The following PTPN13 variants were observed in gnomAD, a reference collection of about 807,000 sequenced individuals.
PTPN13 encodes tyrosine-protein phosphatase non-receptor type 13.
A neutral mutation model predicts 284.0 loss-of-function variants in PTPN13; 191 were observed. The ratio of observed to expected loss-of-function variants is 0.67; its 90% CI spans 0.60 to 0.76. The LOEUF (loss-of-function observed/expected upper bound fraction) is 0.76. Ranked by LOEUF, PTPN13 falls within the 30% of genes least tolerant of loss-of-function variation. The probability of loss-of-function intolerance (pLI) is 0.00; values close to 1 mark genes in which losing one functional copy is unlikely to be tolerated. For synonymous variants in PTPN13, 986 were observed against 1,022.3 expected (o/e 0.96, Z 0.68); for missense variants, 2,797 against 2,939.9 (o/e 0.95, Z 1.12).
chr4:86,691,951 C>T (rs767552066), intron 5 of PTPN13, among the ~76,000 whole-genome samples: 4 of 152,088 alleles, frequency 2.6e-5, no homozygotes, highest in Non-Finnish European at 5.9e-5. Context: ...AATATTTGGA[C>T]CACAATTTTA....
rs769706851 is a variant in PTPN13, at chr4:86,750,814, T to C, written c.2995T>C (p.Leu999=). The C allele has an allele frequency of 6.2e-6, 10 of 1,613,578 alleles. No homozygotes were observed. The highest frequency in any genetic ancestry group is 5.5e-5 in the South Asian group (5 of 91,000). The part of the protein sequence containing the change: ...MEPPPQTVAE[L]VGKPSHQMSR... ...ACCCCCACCACAAACCGTTGCAGAG[T>C]TGGTGGGAAAACCTTCTCACCAGAT... is the stretch of plus-strand genomic sequence containing the variant. Residue 999 remains leucine (L), a synonymous_variant, in exon 18 of 48, where the codon TTG becomes CTG. Coordinates refer to ENST00000411767, the MANE Select transcript of PTPN13 (RefSeq NM_080683.3).
intron 2 of PTPN13, among the ~76,000 whole-genome samples, chr4:86,644,024 T>C (rs1446651625): frequency 1.3e-5 from 2 of 152,120 alleles, no homozygotes; most frequent in Non-Finnish European, 2.9e-5. Context: ...ACAAAGTTGT[T>C]GAAGTATTTA....
intron 43 of PTPN13, 79 bp from the exon 44 acceptor site, chr4:86,805,200 C>G: frequency 1.1e-6 from 1 of 875,264 alleles, no homozygotes; most frequent in Non-Finnish European, 1.7e-6. Context: ...CAATTTTGCC[C>G]CTACACATTT....
chr4:86,792,433 T>C (rs13135528), intron 40 of PTPN13, among the ~76,000 whole-genome samples: 6,312 of 152,274 alleles, frequency 0.041, 184 homozygotes, highest in Non-Finnish European at 0.06. Flanking sequence ...GAAAACACTC[T>C]TCAGGATATT....
intron 1 of PTPN13, among the ~76,000 whole-genome samples, chr4:86,597,896 T>G (rs1186028489): frequency 1.3e-5 from 2 of 152,200 alleles, no homozygotes; most frequent in African/African-American, 4.8e-5. Context: ...AAGTGCTTGT[T>G]TAGATGTGTT....
chr4:86,685,661 A>AT (rs1438511776), intron 3 of PTPN13, among the ~76,000 whole-genome samples: 2 of 152,224 alleles, frequency 1.3e-5, no homozygotes, highest in African/African-American at 4.8e-5. Flanking sequence ...TTATTGGTCA[A>AT]TTTTTAGATT....
chr4:86,722,402 C>T lies in PTPN13; in HGVS notation c.1576C>T (p.Leu526=). 6.2e-7 allele frequency: 1 copy of T among 1,613,556 alleles called. No individual in the cohort carries two copies. Among genetic ancestry groups the T allele is most frequent in the Non-Finnish European group, 8.5e-7 (1 of 1,179,656 alleles). Residue 526 remains leucine, a synonymous_variant, in exon 10 of 48, where the codon CTA becomes TTA. Coordinates refer to ENST00000411767, the MANE Select transcript of PTPN13 (RefSeq NM_080683.3). ...CAGGGATCCGTTAAGAGAAATTGCC[C>T]TAGAAACAGCCATGACTCAAAGAAA... The part of the protein sequence containing the change: ...ITRDPLREIA[L]ETAMTQRKLR...
rs138248138 is a variant in PTPN13 at position 86,782,708 on chromosome 4, A to C, written c.6024+446A>C. Among the ~76,000 whole-genome samples, 1,092 of 152,314 alleles carry C rather than the reference A, an allele frequency of 7.2e-3. 11 individuals are homozygous for C. Among genetic ancestry groups the C allele is most frequent in the Middle Eastern group, 0.01 (3 of 294 alleles). On this transcript the variant is annotated intron_variant, in intron 37 of 47. Transcript: ENST00000411767. The stretch of plus-strand genomic sequence containing the variant: ...AAGTAGCAAAAAAATAAATAAATAA[A>C]AAGTAGGTTTACTTGCTTTTGAAAG...
chr4:86,624,263 C>T (rs1033398073), intron 1 of PTPN13, among the ~76,000 whole-genome samples: 1 of 152,070 alleles, frequency 6.6e-6, no homozygotes, highest in African/African-American at 2.4e-5. Flanking sequence ...GCAGTATCCT[C>T]CAAGCAAATC....
chr4:86,717,552 T>G (rs1179383817), intron 9 of PTPN13, among the ~76,000 whole-genome samples: 2 of 152,154 alleles, frequency 1.3e-5, no homozygotes, highest in Non-Finnish European at 2.9e-5. Flanking sequence ...CCCCTAGCTC[T>G]CTTTGTTTTT....
intron 9 of PTPN13, among the ~76,000 whole-genome samples, chr4:86,721,001 G>A (rs2149085637): frequency 6.6e-6 from 1 of 152,022 alleles, no homozygotes; most frequent in African/African-American, 2.4e-5. Flanking sequence ...TTTATACGTA[G>A]TACATTCCCA....
chr4:86,714,945 C>G (rs1236497634), intron 7 of PTPN13, among the ~76,000 whole-genome samples: 1 of 152,114 alleles, frequency 6.6e-6, no homozygotes, highest in Non-Finnish European at 1.5e-5. Context: ...GGAGCAATGT[C>G]TAACTCAGCC....
intron 23 of PTPN13, 46 bp from the exon 24 acceptor site, chr4:86,762,681 G>A (rs373910663): frequency 3.0e-5 from 41 of 1,382,370 alleles, no homozygotes; most frequent in Middle Eastern, 4.3e-4. Flanking sequence ...GTGTAAGCAC[G>A]TGTATCACTA....
chr4:86,654,862 T>A (rs1037104738), intron 2 of PTPN13, among the ~76,000 whole-genome samples: 2 of 152,140 alleles, frequency 1.3e-5, no homozygotes, highest in Admixed American at 6.5e-5. Context: ...CCCATTATTA[T>A]TGTGTGGGAG....
chr4:86,711,460 T>C (rs1328220466), intron 7 of PTPN13, among the ~76,000 whole-genome samples: 3 of 152,176 alleles, frequency 2.0e-5, no homozygotes, highest in African/African-American at 4.8e-5. Context: ...TATATGGTAC[T>C]TCTTTTTTGG....
chr4:86,789,589 C>G (rs1742379835), intron 40 of PTPN13, among the ~76,000 whole-genome samples: 1 of 152,178 alleles, frequency 6.6e-6, no homozygotes, highest in Non-Finnish European at 1.5e-5. Context: ...GATGTCTCCT[C>G]TACTCTCAAG....
chr4:86,722,182 A>G (rs373558294), intron 9 of PTPN13, 30 bp from the exon 10 acceptor site: 551 of 1,565,012 alleles, frequency 3.5e-4, no homozygotes, highest in Non-Finnish European at 4.1e-4. Flanking sequence ...TTTCCTCCCA[A>G]TCCTCACCTG....
rs751776250 is a variant in PTPN13 at position 86,769,753 on chromosome 4, A to G, written c.4490-16A>G. The G allele has an allele frequency of 5.0e-5, 76 of 1,505,190 alleles. No individual in the cohort carries two copies. Among genetic ancestry groups the G allele is most frequent in the Admixed American group, 7.8e-5 (4 of 51,214 alleles). 93.2% of individuals were successfully genotyped at this position (1,505,190 alleles called of 1,614,324 possible). ...TGTTAATAATATCTAAATTTTTTTT[A>G]TATCTTTTTCTCCAGAAAATACATT... On this transcript the variant is annotated splice_polypyrimidine_tract_variant and intron_variant, in intron 28 of 47. Coordinates refer to ENST00000411767, the MANE Select transcript of PTPN13 (RefSeq NM_080683.3).
intron 35 of PTPN13, among the ~76,000 whole-genome samples, chr4:86,779,410 C>A (rs113581737): frequency 0.13 from 19,722 of 148,258 alleles, 1,651 homozygotes; most frequent in East Asian, 0.28. Context: ...GAGCAAGACT[C>A]CGTCTCCAAA....
Sources: gnomAD v4.1 joint callset for allele counts (sites outside exome capture counted in the v4.1 genomes callset) on GRCh38, gnomAD v4.1.1 for gene constraint, MANE v1.5 for transcripts, NCBI Gene and HGNC (gene_info 2026-07-23, HGNC 2026-07-21) for gene names.